CDC42BPB: variants seen among roughly 807,000 people sequenced by gnomAD.
CDC42BPB encodes CDC42 binding protein kinase beta, also known as serine/threonine-protein kinase MRCK beta.
A neutral mutation model predicts 214.9 loss-of-function variants in CDC42BPB; 37 were observed. That is an observed-to-expected ratio of 0.17 (90% CI 0.13 to 0.23). The LOEUF (loss-of-function observed/expected upper bound fraction) is 0.23. Among genes scored for constraint, CDC42BPB ranks in the 10% least tolerant of loss-of-function variants. The probability of loss-of-function intolerance (pLI) is 1.00; values close to 1 mark genes in which losing one functional copy is unlikely to be tolerated. For missense variants in CDC42BPB, 1,694 were observed against 2,227.0 expected (o/e 0.76, Z 4.82); for synonymous variants, 931 against 884.0 (o/e 1.05, Z -0.94).
At chr14:102,999,501 G>A in intron 5 of CDC42BPB, 64 bp downstream of exon 5, 1 of 1,547,074 alleles carries the variant, frequency 6.5e-7, no homozygotes. Flanking sequence ...GGACTTGGGA[G>A]CTCTGAAAGG....
chr14:103,046,593 G>A (rs774147936), intron 1 of CDC42BPB, among the ~76,000 whole-genome samples: 1 of 152,196 alleles, frequency 6.6e-6, no homozygotes, highest in Non-Finnish European at 1.5e-5. Context: ...ACAAAGAAAT[G>A]TGTCTAAAAC....
rs1239902469 is a variant in CDC42BPB, at chr14:102,975,818, G to GACAGCGTGAGGT, written c.1388-27_1388-16dup. Reference sequence around the variant, plus strand: ...CTGGGTGGACTCTGAGGGATGGAGAGACAGCGTGAGGTGCAGCCTGGCCGC... The same window carrying GACAGCGTGAGGT: ...CTGGGTGGACTCTGAGGGATGGAGAGACAGCGTGAGGTACAGCGTGAGGTGCAGCCTGGCCGC... On this transcript the variant is annotated splice_polypyrimidine_tract_variant and intron_variant, in intron 10 of 36. Transcript: ENST00000361246. The GACAGCGTGAGGT allele has an allele frequency of 6.2e-7, 1 of 1,614,158 alleles. No homozygotes were observed. The highest frequency in any genetic ancestry group is 8.5e-7 in the Non-Finnish European group (1 of 1,179,990).
At chr14:102,947,027 T>C (rs1297854579) in intron 27 of CDC42BPB, among the ~76,000 whole-genome samples, 3 of 152,230 alleles carry the variant, frequency 2.0e-5, no homozygotes, top group African/African-American at 7.2e-5. Flanking sequence ...AAAGCAGATC[T>C]CAAAAACACT....
At chr14:102,974,577 G>A (rs1893650507) in intron 11 of CDC42BPB, among the ~76,000 whole-genome samples, 1 of 152,226 alleles carries the variant, frequency 6.6e-6, no homozygotes, top group African/African-American at 2.4e-5. Flanking sequence ...TTCCTGATAG[G>A]AAATGCAGAG....
intron 24 of CDC42BPB, among the ~76,000 whole-genome samples, chr14:102,951,810 A>G (rs1892503632): frequency 6.6e-6 from 1 of 152,192 alleles, no homozygotes; most frequent in African/African-American, 2.4e-5. Flanking sequence ...GAAAAAAAGA[A>G]AAAAAATACG....
chr14:103,054,948 C>G (rs1369970652), intron 1 of CDC42BPB, among the ~76,000 whole-genome samples: 1 of 152,266 alleles, frequency 6.6e-6, no homozygotes, highest in Non-Finnish European at 1.5e-5. Context: ...CACAATGGCC[C>G]CCAGGGCCCC....
At chr14:103,043,249 AAAC>A (rs138761577) in intron 1 of CDC42BPB, among the ~76,000 whole-genome samples, 8,773 of 152,274 alleles carry the variant, frequency 0.058, 511 homozygotes, top group African/African-American at 0.15. Flanking sequence ...ATCTGAAAAC[AAAC>A]AAAAACACCA....
intron 1 of CDC42BPB, among the ~76,000 whole-genome samples, chr14:103,034,460 C>T (rs1340617806): frequency 2.0e-5 from 3 of 152,160 alleles, no homozygotes; most frequent in Non-Finnish European, 4.4e-5. Context: ...CATCATTAAA[C>T]TTGCAATACA....
At chr14:103,047,719 C>T (rs1888372595) in intron 1 of CDC42BPB, among the ~76,000 whole-genome samples, 1 of 152,058 alleles carries the variant, frequency 6.6e-6, no homozygotes, top group Admixed American at 6.5e-5. Flanking sequence ...GTCTGGGCAA[C>T]ATGGTGAAAC....
At chr14:102,973,689 C>T (rs558310369) in intron 12 of CDC42BPB, among the ~76,000 whole-genome samples, 3 of 151,530 alleles carry the variant, frequency 2.0e-5, no homozygotes, top group Non-Finnish European at 2.9e-5. Flanking sequence ...CATCTTTCCT[C>T]GCTTTAGAAT....
rs116227415 is a variant in CDC42BPB, at chr14:102,988,732, A to G, written c.597-2152T>C. Among the ~76,000 whole-genome samples the G allele has an allele frequency of 1.3e-3, 203 of 152,326 alleles. 2 individuals carry two copies. Among genetic ancestry groups the G allele is most frequent in the African/African-American group, 4.7e-3 (195 of 41,568 alleles). ...TGTTGTGACAACTGGAGAGCCATTTAAAGATAAAATTAGAACTCTTCCTTG... is the reference window on the plus strand; with the variant it reads ...TGTTGTGACAACTGGAGAGCCATTTGAAGATAAAATTAGAACTCTTCCTTG... On this transcript the variant is annotated intron_variant, in intron 5 of 36. Coordinates refer to ENST00000361246, the MANE Select transcript of CDC42BPB (RefSeq NM_006035.4).
At chr14:103,023,835 A>G (rs1021395344) in intron 1 of CDC42BPB, among the ~76,000 whole-genome samples, 8 of 152,202 alleles carry the variant, frequency 5.3e-5, no homozygotes, top group Admixed American at 3.9e-4. Flanking sequence ...CTCGCCAAAC[A>G]GAGGTATTTA....
chr14:102,950,816 A>C, intron 24 of CDC42BPB: 2 of 367,522 alleles, frequency 5.4e-6, no homozygotes, highest in Non-Finnish European at 7.5e-6. Flanking sequence ...AAATACAAAA[A>C]TTAGCCAGGG....
chr14:103,052,296 A>C (rs1437456045), intron 1 of CDC42BPB, among the ~76,000 whole-genome samples: 1 of 152,222 alleles, frequency 6.6e-6, no homozygotes, highest in Non-Finnish European at 1.5e-5. Context: ...ATTTCCCTAT[A>C]ATTCAGATCT....
At chr14:102,939,585 C>A (rs1259019958) in intron 34 of CDC42BPB, 25 bp downstream of exon 34, 1 of 1,554,916 alleles carries the variant, frequency 6.4e-7, no homozygotes, top group Admixed American at 1.7e-5. Context: ...GTGCCCTGCC[C>A]GCCCTATCCC....
intron 5 of CDC42BPB, among the ~76,000 whole-genome samples, chr14:102,989,364 A>G (rs1490912867): frequency 6.6e-6 from 1 of 152,216 alleles, no homozygotes; most frequent in Admixed American, 6.5e-5. Context: ...CTACGTATGT[A>G]ATTTATTTCT....
At chr14:102,987,555 C>G (rs1222010577) in intron 5 of CDC42BPB, among the ~76,000 whole-genome samples, 1 of 152,072 alleles carries the variant, frequency 6.6e-6, no homozygotes, top group East Asian at 1.9e-4. Flanking sequence ...AGACACCACA[C>G]CCCAATGAAA....
At position 102,981,238 on chromosome 14, in the gene CDC42BPB, C is replaced by T. The variant is rs796967869; in HGVS notation, c.892-217G>A. ...TTTACTCATTGTAGACTTGTGACCA[C>T]ACTGCATGTAAATGACACATTTTAC... is the stretch of plus-strand genomic sequence containing the variant. On this transcript the variant is annotated intron_variant, in intron 7 of 36. Coordinates refer to ENST00000361246, the MANE Select transcript of CDC42BPB (RefSeq NM_006035.4). 15 of 947,950 alleles carry T rather than the reference C, an allele frequency of 1.6e-5. No homozygotes were observed. The African/African-American group carries it at 2.6e-4, about 17-fold the overall frequency. The allele number at this position is 947,950 out of a possible 1,614,324, so 58.7% of individuals were successfully genotyped here.
rs570319875 is a variant in CDC42BPB at position 102,950,712 on chromosome 14, T to TCAA, written c.3173-111_3173-110insTTG. On this transcript the variant is annotated intron_variant, in intron 24 of 36. Transcript: ENST00000361246. Reference sequence around the variant, plus strand: ...AATAATCACCAGGTCTCGCCTGGAATCCCAGCACTTTCGGAGGCCGAGGTG... The same window carrying TCAA: ...AATAATCACCAGGTCTCGCCTGGAATCAACCCAGCACTTTCGGAGGCCGAGGTG... The TCAA allele has an allele frequency of 2.8e-3, 3,871 of 1,379,688 alleles. 11 individuals are homozygous for TCAA. Among genetic ancestry groups the TCAA allele is most frequent in the Non-Finnish European group, 3.4e-3 (3,646 of 1,064,774 alleles). The allele number at this position is 1,379,688 out of a possible 1,614,324, so 85.5% of individuals were successfully genotyped here. A position where few individuals can be genotyped will look rare whatever the true frequency, so the allele number is the denominator to read the frequency against.
Sources: allele counts gnomAD v4.1 joint callset (sites outside exome capture counted in the v4.1 genomes callset), GRCh38; gene constraint gnomAD v4.1.1; transcripts MANE v1.5; gene names NCBI Gene and HGNC (gene_info 2026-07-23, HGNC 2026-07-21).